The following PPP4R4 variants were observed in gnomAD, a reference collection of about 807,000 sequenced individuals.
PPP4R4 encodes the protein serine/threonine-protein phosphatase 4 regulatory subunit 4.
PPP4R4 carries 70 observed loss-of-function variants against 121.8 expected under a neutral mutation model. That is an observed-to-expected ratio of 0.57 (90% confidence interval 0.47 to 0.70). The LOEUF (loss-of-function observed/expected upper bound fraction) is 0.70, where lower values mean the gene tolerates loss of function less well. Among genes scored for constraint, PPP4R4 ranks in the 30% least tolerant of loss-of-function variants. PPP4R4 has a pLI of 0.00. For synonymous variants in PPP4R4, 348 were observed against 355.7 expected (o/e 0.98, Z 0.24); for missense variants, 875 against 1,033.6 (o/e 0.85, Z 2.10).
intron 19 of PPP4R4, among the ~76,000 whole-genome samples, chr14:94,260,510 A>G (rs1028688344): frequency 2.0e-5 from 3 of 152,100 alleles, no homozygotes; most frequent in Non-Finnish European, 4.4e-5. Flanking sequence ...GGAAAGCTTT[A>G]GTTACCAGCC....
intron 2 of PPP4R4, among the ~76,000 whole-genome samples, chr14:94,177,845 C>G (rs968621823): frequency 6.6e-6 from 1 of 152,236 alleles, no homozygotes; most frequent in African/African-American, 2.4e-5. Context: ...CTTAAAGAGA[C>G]AGATGGGCCC....
At position 94,258,663 on chromosome 14, in the gene PPP4R4, G is replaced by T. The variant is rs1026550053; in HGVS notation, c.2011-120G>T. 5.0e-5 allele frequency: 35 copies of T among 696,564 alleles called. No homozygotes were observed. The highest frequency in any genetic ancestry group is 8.1e-5 in the Non-Finnish European group (32 of 395,518). 43.1% of individuals were successfully genotyped at this position (696,564 alleles called of 1,614,324 possible). A position where few individuals can be genotyped will look rare whatever the true frequency, so the allele number is the denominator to read the frequency against. On this transcript the variant is annotated intron_variant, in intron 17 of 24. Transcript: ENST00000304338. ...GGCAGAACTTTAGTTTTCTGACTTAGTCTTCCCCCTAGTGCAGAAGTCTTC... is the reference window on the plus strand; with the variant it reads ...GGCAGAACTTTAGTTTTCTGACTTATTCTTCCCCCTAGTGCAGAAGTCTTC...
At chr14:94,265,647 G>T in intron 21 of PPP4R4, 147 bp from the exon 22 acceptor site, 1 of 785,180 alleles carries the variant, frequency 1.3e-6, no homozygotes, top group Non-Finnish European at 2.1e-6. Context: ...GTAAGGGTAA[G>T]AGATACTTCA....
intron 23 of PPP4R4, among the ~76,000 whole-genome samples, chr14:94,269,813 A>G (rs1894233272): frequency 6.6e-6 from 1 of 152,156 alleles, no homozygotes; most frequent in Non-Finnish European, 1.5e-5. Flanking sequence ...CAGTTATACT[A>G]CTCAAAACTG....
At chr14:94,251,478 A>C (rs1051264233) in intron 15 of PPP4R4, among the ~76,000 whole-genome samples, 6 of 151,286 alleles carry the variant, frequency 4.0e-5, no homozygotes, top group Non-Finnish European at 8.8e-5. Flanking sequence ...TGGGTGATAA[A>C]AAGTAGTAAA....
chr14:94,250,387 G>A, intron 15 of PPP4R4, 110 bp downstream of exon 15: 1 of 662,052 alleles, frequency 1.5e-6, no homozygotes, highest in Non-Finnish European at 2.6e-6. Flanking sequence ...GTTACTATTG[G>A]GTTTTATAAG....
intron 17 of PPP4R4, 77 bp downstream of exon 17, chr14:94,256,681 G>C: frequency 7.5e-7 from 1 of 1,332,558 alleles, no homozygotes; most frequent in Non-Finnish European, 1.0e-6. Context: ...ATTTCAGCTT[G>C]ACAGGATAGC....
intron 14 of PPP4R4, among the ~76,000 whole-genome samples, chr14:94,247,632 T>C (rs760218143): frequency 6.6e-6 from 1 of 152,232 alleles, no homozygotes; most frequent in Non-Finnish European, 1.5e-5. Flanking sequence ...CAAGTCAGTA[T>C]TCCTGACGAA....
chr14:94,251,715 ATTAAC>A (rs766541767), intron 15 of PPP4R4, 29 bp from the exon 16 acceptor site: 22 of 1,466,388 alleles, frequency 1.5e-5, no homozygotes, highest in Admixed American at 7.3e-5. Flanking sequence ...TATAGGAAAA[ATTAAC>A]TTAAGATAAT....
chr14:94,218,289 TAAG>T (rs918022941), intron 3 of PPP4R4, among the ~76,000 whole-genome samples: 2 of 152,066 alleles, frequency 1.3e-5, no homozygotes, highest in Non-Finnish European at 2.9e-5. Context: ...AGCATAGATC[TAAG>T]AAGACCAGAG....
intron 11 of PPP4R4, among the ~76,000 whole-genome samples, chr14:94,243,670 G>C (rs762933463): frequency 5.3e-5 from 8 of 152,116 alleles, no homozygotes; most frequent in Admixed American, 2.0e-4. Context: ...GATAATCATT[G>C]ATCTATATTT....
chr14:94,254,731 C>G (rs1893374268), intron 16 of PPP4R4, among the ~76,000 whole-genome samples: 1 of 152,174 alleles, frequency 6.6e-6, no homozygotes, highest in Admixed American at 6.5e-5. Context: ...AGATACCCAC[C>G]TAGCATCCCT....
intron 2 of PPP4R4, among the ~76,000 whole-genome samples, chr14:94,178,138 T>A (rs1888778580): frequency 6.6e-6 from 1 of 152,088 alleles, no homozygotes; most frequent in South Asian, 2.1e-4. Context: ...CAGGATTGTT[T>A]CATAGAGATG....
chr14:94,217,721 G>A (rs140950853), intron 3 of PPP4R4, among the ~76,000 whole-genome samples: 14 of 152,306 alleles, frequency 9.2e-5, no homozygotes, highest in African/African-American at 1.4e-4. Context: ...TAGGCCGGGC[G>A]TGGTGGCTCA....
rs146172186 is a variant in PPP4R4 at position 94,258,162 on chromosome 14, A to T, written c.2011-621A>T. 6.4e-3 allele frequency among the ~76,000 whole-genome samples: 971 copies of T among 152,294 alleles called. 10 individuals are homozygous for T. Among genetic ancestry groups the T allele is most frequent in the African/African-American group, 0.021 (866 of 41,578 alleles). ...ATGTTTGTCATGGATAGCTTTGGGC[A>T]TATGCATATCCAAATGTACTTTATT... is the stretch of plus-strand genomic sequence containing the variant. On this transcript the variant is annotated intron_variant, in intron 17 of 24. Coordinates refer to ENST00000304338, the MANE Select transcript of PPP4R4 (RefSeq NM_058237.2).
At chr14:94,277,495 T>C (rs1433598221) in intron 24 of PPP4R4, among the ~76,000 whole-genome samples, 1 of 152,182 alleles carries the variant, frequency 6.6e-6, no homozygotes, top group Admixed American at 6.5e-5. Context: ...AGCTCTGGCA[T>C]CCTGAAATCC....
chr14:94,176,754 C>T (rs1888700681), intron 2 of PPP4R4, among the ~76,000 whole-genome samples: 2 of 152,166 alleles, frequency 1.3e-5, no homozygotes, highest in Admixed American at 1.3e-4. Flanking sequence ...GATTGAGCAT[C>T]TTAAAAACTA....
Position 94,259,374 on chromosome 14 carries a change from G to T in PPP4R4, c.2127+5G>T, listed in dbSNP as rs747162896. ...GAACTACTTCTTTTGGAAATGGTAT[G>T]TTGTTTTCACATGCACACACATATA... is the stretch of plus-strand genomic sequence containing the variant. On this transcript the variant is annotated splice_donor_5th_base_variant and intron_variant, in intron 19 of 24. Coordinates refer to ENST00000304338, the MANE Select transcript of PPP4R4 (RefSeq NM_058237.2). 6.2e-7 allele frequency: 1 copy of T among 1,606,648 alleles called. No homozygotes were observed. The highest frequency in any genetic ancestry group is 1.1e-5 in the South Asian group (1 of 89,922).
chr14:94,199,465 G>T (rs775709609), intron 2 of PPP4R4, among the ~76,000 whole-genome samples: 2 of 152,148 alleles, frequency 1.3e-5, no homozygotes, highest in East Asian at 1.9e-4. Context: ...TTTGCTGTCC[G>T]TAGGCGGCTT....
Sources: gnomAD v4.1 joint callset for allele counts (sites outside exome capture counted in the v4.1 genomes callset) on GRCh38, gnomAD v4.1.1 for gene constraint, MANE v1.5 for transcripts, NCBI Gene and HGNC (gene_info 2026-07-23, HGNC 2026-07-21) for gene names.